Variants in DZANK1 observed in about 807,000 individuals in gnomAD.
DZANK1 encodes double zinc ribbon and ankyrin repeat-containing protein 1.
DZANK1 carries 91 observed loss-of-function variants against 94.5 expected under a neutral mutation model. The ratio of observed to expected loss-of-function variants is 0.96; its 90% confidence interval spans 0.81 to 1.15. The LOEUF (loss-of-function observed/expected upper bound fraction) is 1.15, where lower values mean the gene tolerates loss of function less well. Among genes scored for constraint, DZANK1 ranks in the 50% most tolerant of loss-of-function variants. DZANK1 has a pLI of 0.00. For missense variants in DZANK1, 903 were observed against 916.4 expected (o/e 0.99, Z 0.19); for synonymous variants, 312 against 325.3 (o/e 0.96, Z 0.44).
intron 1 of DZANK1, among the ~76,000 whole-genome samples, chr20:18,465,911 A>G (rs1255401175): frequency 6.6e-6 from 1 of 152,252 alleles, no homozygotes; most frequent in African/African-American, 2.4e-5. Flanking sequence ...AAGACACTTT[A>G]GAAGGACTGC....
intron 13 of DZANK1, among the ~76,000 whole-genome samples, chr20:18,401,830 GAACT>G (rs1434993583): frequency 6.6e-6 from 1 of 152,210 alleles, no homozygotes; most frequent in Non-Finnish European, 1.5e-5. Flanking sequence ...CCTAGGCCCA[GAACT>G]ATCACGGTGT....
At chr20:18,393,953 G>A (rs1487076965) in intron 16 of DZANK1, 142 bp from the exon 17 acceptor site, 2 of 656,582 alleles carry the variant, frequency 3.0e-6, no homozygotes, top group East Asian at 5.4e-5. Flanking sequence ...AACCCGGCAG[G>A]AGAGACTCCT....
intron 13 of DZANK1, among the ~76,000 whole-genome samples, chr20:18,406,014 G>A (rs1055446070): frequency 6.6e-6 from 1 of 152,240 alleles, no homozygotes; most frequent in Non-Finnish European, 1.5e-5. Flanking sequence ...ACCGTAGCCA[G>A]AGGGAAATTG....
At chr20:18,434,113 T>G (rs143631748) in intron 8 of DZANK1, among the ~76,000 whole-genome samples, 1 of 152,022 alleles carries the variant, frequency 6.6e-6, no homozygotes, top group Non-Finnish European at 1.5e-5. Flanking sequence ...AAATAACAAT[T>G]ACTTTTATTA....
intron 11 of DZANK1, among the ~76,000 whole-genome samples, chr20:18,414,781 A>G (rs1008985285): frequency 2.0e-5 from 3 of 152,208 alleles, no homozygotes; most frequent in African/African-American, 7.2e-5. Flanking sequence ...ACATACAAAC[A>G]ATGGATTATG....
intron 10 of DZANK1, 66 bp downstream of exon 10, chr20:18,427,001 C>T (rs2058072923): frequency 1.6e-6 from 2 of 1,225,224 alleles, no homozygotes; most frequent in Non-Finnish European, 2.3e-6. Flanking sequence ...GATTCTGTTT[C>T]TCTATTATCA....
At chr20:18,423,371 G>A (rs1221660614) in intron 10 of DZANK1, among the ~76,000 whole-genome samples, 1 of 152,130 alleles carries the variant, frequency 6.6e-6, no homozygotes, top group Non-Finnish European at 1.5e-5. Flanking sequence ...TAATGTACAA[G>A]TCTTTCACTT....
rs16979224 is a variant in DZANK1, at chr20:18,466,203, C to T, written c.-20+793G>A. ...TTTCATTAATAATCCATAGATTTTG[C>T]CCAATTATAATCTACATATTCATTC... is the stretch of plus-strand genomic sequence containing the variant. On this transcript the variant is annotated intron_variant, in intron 1 of 20. Transcript: ENST00000262547. Among the ~76,000 whole-genome samples the T allele has an allele frequency of 2.6e-3, 392 of 152,318 alleles. 7 individuals carry two copies. The highest frequency in any genetic ancestry group is 0.022 in the Admixed American group (332 of 15,302).
chr20:18,384,285 C>T lies in DZANK1; in HGVS notation c.*114G>A, dbSNP rs564083417. ...TGTTGGTCAGGCTGGTCTTGAACTC[C>T]CAACCTCAGGTGATACGCCAGCCTC... On this transcript the variant is annotated 3_prime_UTR_variant, in exon 21 of 21. Transcript: ENST00000262547. 38 of 1,155,086 alleles carry T rather than the reference C, an allele frequency of 3.3e-5. 1 individual carries two copies. Among genetic ancestry groups the T allele is most frequent in the African/African-American group, 3.0e-4 (19 of 63,776 alleles). 71.6% of individuals were successfully genotyped at this position (1,155,086 alleles called of 1,614,324 possible). A position where few individuals can be genotyped will look rare whatever the true frequency, so the allele number is the denominator to read the frequency against.
In DZANK1 at chr20:18,436,487, C is replaced by T. The variant is rs1434818690; in HGVS notation, c.748-2722G>A. The stretch of plus-strand genomic sequence containing the variant: ...TCACCAGAGCGACTCAACAGCAGAT[C>T]GCATAACAGAAGAAAGAATCAGTGA... On this transcript the variant is annotated intron_variant, in intron 8 of 20. Transcript: ENST00000262547. 4.7e-5 allele frequency among the ~76,000 whole-genome samples: 7 copies of T among 150,192 alleles called. No homozygotes were observed. The East Asian group carries it at 1.2e-3, about 25-fold the overall frequency.
Position 18,441,386 on chromosome 20 carries a change from G to C in DZANK1, c.747+1961C>G, listed in dbSNP as rs6081143. Among the ~76,000 whole-genome samples, 2,880 of 152,288 alleles carry C rather than the reference G, an allele frequency of 0.019. 43 individuals carry two copies. Among genetic ancestry groups the C allele is most frequent in the South Asian group, 0.031 (148 of 4,828 alleles). On this transcript the variant is annotated intron_variant, in intron 8 of 20. Coordinates refer to ENST00000262547, the Ensembl canonical transcript of DZANK1. The surrounding 1 kb of genome is among the most constrained non-coding windows in gnomAD (Gnocchi z 4.1). Reference sequence around the variant, plus strand: ...CAATCCCACTACCAATTCTGTATCAGTCAGAGTCCAATCAGGACATAGAAA... The same window carrying C: ...CAATCCCACTACCAATTCTGTATCACTCAGAGTCCAATCAGGACATAGAAA...
At position 18,395,005 on chromosome 20, in the gene DZANK1, C is replaced by G. The variant is rs1435244621; in HGVS notation, c.1612-655G>C. The G allele has an allele frequency of 7.5e-6, 3 of 397,404 alleles. No individual in the cohort carries two copies. In the East Asian group the frequency reaches 2.2e-4, roughly 29 times the overall value. The allele number at this position is 397,404 out of a possible 1,614,324, so 24.6% of individuals were successfully genotyped here. A position where few individuals can be genotyped will look rare whatever the true frequency, so the allele number is the denominator to read the frequency against. On this transcript the variant is annotated intron_variant, in intron 15 of 20. Coordinates refer to ENST00000262547, the Ensembl canonical transcript of DZANK1. ...CTGCACCCTCACGTGGCTGCCTGCTCCTGTCCCAGGGAAGAGCCTGCTACT... is the reference window on the plus strand; with the variant it reads ...CTGCACCCTCACGTGGCTGCCTGCTGCTGTCCCAGGGAAGAGCCTGCTACT...
At chr20:18,463,925 C>T (rs912108382) in intron 2 of DZANK1, among the ~76,000 whole-genome samples, 2 of 151,956 alleles carry the variant, frequency 1.3e-5, no homozygotes, top group Non-Finnish European at 2.9e-5. Flanking sequence ...TCTATTTGTT[C>T]ATATGTTTTA....
At chr20:18,405,662 C>T (rs1424951407) in intron 13 of DZANK1, among the ~76,000 whole-genome samples, 4 of 152,212 alleles carry the variant, frequency 2.6e-5, no homozygotes, top group Admixed American at 2.6e-4. Context: ...ATCATTCATC[C>T]TCCCTGCTGG....
chr20:18,464,005 C>T (rs1286622568), intron 2 of DZANK1, among the ~76,000 whole-genome samples: 1 of 151,256 alleles, frequency 6.6e-6, no homozygotes, highest in African/African-American at 2.4e-5. Flanking sequence ...TGTAGATATA[C>T]ACACATATTT....
intron 10 of DZANK1, among the ~76,000 whole-genome samples, chr20:18,419,791 T>A (rs2057686200): frequency 6.6e-6 from 1 of 151,544 alleles, no homozygotes; most frequent in African/African-American, 2.4e-5. Flanking sequence ...ATAAAGGGAG[T>A]TCCTCTGTGT....
At position 18,398,516 on chromosome 20, in the gene DZANK1, C is replaced by T; in HGVS notation, c.1536+7G>A. 1 of 1,613,672 alleles carries T rather than the reference C, an allele frequency of 6.2e-7. No homozygotes were observed. The highest frequency in any genetic ancestry group is 8.5e-7 in the Non-Finnish European group (1 of 1,179,598). ...CACTTGTGGAGTGGAAATTTCATCT[C>T]ACCCACCTTTCCCATCCTGGGTTCT... On this transcript the variant is annotated splice_region_variant and intron_variant, in intron 14 of 20. Transcript: ENST00000262547.
chr20:18,404,566 C>G (rs58793380), intron 13 of DZANK1, among the ~76,000 whole-genome samples: 13 of 152,174 alleles, frequency 8.5e-5, no homozygotes, highest in Non-Finnish European at 4.4e-5. Flanking sequence ...AATATATTAT[C>G]TAACACATCC....
intron 10 of DZANK1, 58 bp downstream of exon 10, chr20:18,427,009 T>C: frequency 7.8e-7 from 1 of 1,280,736 alleles, no homozygotes; most frequent in Non-Finnish European, 1.1e-6. Context: ...TTCTCTATTA[T>C]CATTAACATT....
Sources: gnomAD v4.1 joint callset for allele counts (sites outside exome capture counted in the v4.1 genomes callset) on GRCh38, gnomAD v4.1.1 for gene constraint, Gnocchi (gnomAD v3.1) non-coding constraint, MANE v1.5 for transcripts, NCBI Gene and HGNC (gene_info 2026-07-23, HGNC 2026-07-21) for gene names.